The following CDADC1 variants were observed in gnomAD, a reference collection of about 807,000 sequenced individuals.
The protein encoded by CDADC1 is dCTP deaminase.
Under a neutral mutation model 54.9 loss-of-function variants are expected in CDADC1, and 39 were observed. The observed-to-expected ratio is 0.71, with a 90% CI of 0.55 to 0.93. The LOEUF (loss-of-function observed/expected upper bound fraction) is 0.93, where lower values mean the gene tolerates loss of function less well. CDADC1 is among the 40% of genes least tolerant of loss of function. The probability of loss-of-function intolerance (pLI) is 0.00; values close to 1 mark genes in which losing one functional copy is unlikely to be tolerated. For synonymous variants in CDADC1, 186 were observed against 204.0 expected, an observed-to-expected ratio of 0.91 and a Z score of 0.75; for missense variants, 518 against 618.8, an observed-to-expected ratio of 0.84 and a Z score of 1.73.
intron 8 of CDADC1, among the ~76,000 whole-genome samples, chr13:49,282,912 C>T (rs1198963832): frequency 6.6e-6 from 1 of 152,206 alleles, no homozygotes; most frequent in Non-Finnish European, 1.5e-5. Flanking sequence ...TCCATGAAAC[C>T]GGTACCTGGT....
chr13:49,278,914 A>G (rs1953230154), intron 7 of CDADC1, among the ~76,000 whole-genome samples: 1 of 152,228 alleles, frequency 6.6e-6, no homozygotes, highest in Non-Finnish European at 1.5e-5. Context: ...GATGGACTAC[A>G]TGCACAACGT....
chr13:49,274,248 CAT>C (rs1566368408), intron 5 of CDADC1, 41 bp from the exon 6 acceptor site: 3 of 1,425,510 alleles, frequency 2.1e-6, no homozygotes, highest in Admixed American at 4.0e-5. Flanking sequence ...CTAAAACTAA[CAT>C]ATCATAATTT....
At chr13:49,256,903 A>G (rs1232137027) in intron 3 of CDADC1, among the ~76,000 whole-genome samples, 1 of 152,266 alleles carries the variant, frequency 6.6e-6, no homozygotes, top group Non-Finnish European at 1.5e-5. Flanking sequence ...ATTTAAGTCA[A>G]TGTACTAGTC....
chr13:49,281,982 C>A (rs1953353899), intron 8 of CDADC1, among the ~76,000 whole-genome samples: 1 of 142,542 alleles, frequency 7.0e-6, no homozygotes, highest in African/African-American at 2.6e-5. Flanking sequence ...CCCAGCTAAT[C>A]TTTTGTATTT....
At chr13:49,266,769 C>A (rs982097062) in intron 4 of CDADC1, among the ~76,000 whole-genome samples, 1 of 152,124 alleles carries the variant, frequency 6.6e-6, no homozygotes, top group Admixed American at 6.6e-5. Context: ...CATGAGATTT[C>A]TTCTCTGTAT....
intron 9 of CDADC1, 104 bp from the exon 10 acceptor site, chr13:49,291,580 C>A: frequency 2.0e-6 from 2 of 991,270 alleles, no homozygotes; most frequent in Non-Finnish European, 1.5e-6. Flanking sequence ...GTGAAAGTTC[C>A]TTTAACTTAA....
chr13:49,255,967 T>C, intron 3 of CDADC1, 54 bp downstream of exon 3: 3 of 1,560,348 alleles, frequency 1.9e-6, no homozygotes, highest in Non-Finnish European at 2.6e-6. Flanking sequence ...GCAAAAGGAA[T>C]AGTATAAAGT....
intron 6 of CDADC1, among the ~76,000 whole-genome samples, chr13:49,275,371 C>T (rs1212769694): frequency 6.6e-6 from 1 of 151,650 alleles, no homozygotes; most frequent in Non-Finnish European, 1.5e-5. Context: ...CAGGTGTGAG[C>T]CACCATGCCT....
intron 6 of CDADC1, among the ~76,000 whole-genome samples, chr13:49,276,777 T>C (rs1015041595): frequency 2.0e-5 from 3 of 152,186 alleles, no homozygotes; most frequent in African/African-American, 7.2e-5. Flanking sequence ...TTTCTTACCC[T>C]CCCCAGACTA....
intron 8 of CDADC1, among the ~76,000 whole-genome samples, chr13:49,281,088 T>A (rs1953318985): frequency 1.3e-5 from 2 of 151,958 alleles, no homozygotes; most frequent in African/African-American, 4.8e-5. Flanking sequence ...CCCGCCTCCG[T>A]CTCCCAAAGT....
chr13:49,249,314 G>A (rs1220485523), intron 2 of CDADC1, among the ~76,000 whole-genome samples: 1 of 152,150 alleles, frequency 6.6e-6, no homozygotes, highest in Non-Finnish European at 1.5e-5. Context: ...AAATTGCCTG[G>A]AGATAGAGAC....
chr13:49,267,938 T>C lies in CDADC1; in HGVS notation c.879T>C (p.Phe293=). ...LATVASSVPN[F]KHFGFYRSNP... ...CAGTAGCTTCCAGTGTGCCGAACTTTAAACACTTCGGATTTTACCGTAGCA... is the reference window on the plus strand; with the variant it reads ...CAGTAGCTTCCAGTGTGCCGAACTTCAAACACTTCGGATTTTACCGTAGCA... The change falls in exon 5 of 10, where the codon TTT becomes TTC. Residue 293 remains phenylalanine (F), a synonymous_variant. Transcript: ENST00000251108. 1 of 1,614,148 alleles carries C rather than the reference T, an allele frequency of 6.2e-7. No individual in the cohort carries two copies. Among genetic ancestry groups the C allele is most frequent in the East Asian group, 2.2e-5 (1 of 44,888 alleles).
chr13:49,248,183 A>G (rs1952340392), intron 1 of CDADC1, 64 bp downstream of exon 1: 2 of 1,357,662 alleles, frequency 1.5e-6, no homozygotes, highest in South Asian at 1.3e-5. Flanking sequence ...GTCTCCCGTC[A>G]TTGAACTCCA....
At chr13:49,259,957 T>C (rs1247824980) in intron 4 of CDADC1, among the ~76,000 whole-genome samples, 1 of 151,960 alleles carries the variant, frequency 6.6e-6, no homozygotes, top group African/African-American at 2.4e-5. Context: ...AGTCAGGTGC[T>C]ATGGCTTGCA....
At chr13:49,280,971 T>A (rs1288958745) in intron 8 of CDADC1, among the ~76,000 whole-genome samples, 1 of 151,754 alleles carries the variant, frequency 6.6e-6, no homozygotes, top group Non-Finnish European at 1.5e-5. Context: ...GTAGCTGGGA[T>A]TACAGGCGCC....
rs1026346542 is a variant in CDADC1, at chr13:49,252,490, A to G, written c.178-3349A>G. On this transcript the variant is annotated intron_variant, in intron 2 of 9. Transcript: ENST00000251108. ...TGATTGTAGGTTGTCAATTACTTGT[A>G]TATTTAATGTCAATAAAGCAGAAGT... Among the ~76,000 whole-genome samples, 4 of 152,250 alleles carry G rather than the reference A, an allele frequency of 2.6e-5. No individual in the cohort carries two copies. The South Asian group carries it at 8.3e-4, about 31-fold the overall frequency.
intron 9 of CDADC1, among the ~76,000 whole-genome samples, chr13:49,290,546 C>T (rs1409088649): frequency 6.6e-6 from 1 of 152,090 alleles, no homozygotes; most frequent in African/African-American, 2.4e-5. Flanking sequence ...GACAAGGAAA[C>T]AGCAGGGCAG....
intron 5 of CDADC1, among the ~76,000 whole-genome samples, chr13:49,271,555 C>T (rs1321773915): frequency 6.6e-6 from 1 of 151,184 alleles, no homozygotes; most frequent in Non-Finnish European, 1.5e-5. Flanking sequence ...TTGCCTGCCT[C>T]TCTCAGAGAG....
chr13:49,287,236 T>C (rs1953540415), intron 9 of CDADC1, among the ~76,000 whole-genome samples: 1 of 152,198 alleles, frequency 6.6e-6, no homozygotes. Flanking sequence ...ATTATTTGGA[T>C]TTGAAGTAAA....
Sources: allele counts gnomAD v4.1 joint callset (sites outside exome capture counted in the v4.1 genomes callset), GRCh38; gene constraint gnomAD v4.1.1; transcripts MANE v1.5; gene names NCBI Gene and HGNC (gene_info 2026-07-23, HGNC 2026-07-21).